Variants in SQOR observed in about 807,000 individuals in gnomAD.
The protein encoded by SQOR is sulfide quinone oxidoreductase, also known as sulfide:quinone oxidoreductase, mitochondrial.
In SQOR, 39 loss-of-function variants were observed where a neutral mutation model predicts 48.6. The observed-to-expected ratio is 0.80, with a 90% CI of 0.62 to 1.05. The LOEUF (loss-of-function observed/expected upper bound fraction) is 1.05. Among genes scored for constraint, SQOR ranks in the 50% least tolerant of loss-of-function variants. The pLI is 0.00. For synonymous variants in SQOR, 220 were observed against 206.2 expected, an observed-to-expected ratio of 1.07 and a Z score of -0.57; for missense variants, 561 against 559.9, an observed-to-expected ratio of 1.00 and a Z score of -0.02.
At chr15:45,684,639 C>T (rs1890189680) in intron 7 of SQOR, among the ~76,000 whole-genome samples, 1 of 151,978 alleles carries the variant, frequency 6.6e-6, no homozygotes, top group African/African-American at 2.4e-5. Flanking sequence ...AAAGTACTCT[C>T]TCTCTCTTTG....
In SQOR at chr15:45,677,231, A is replaced by G. The variant is rs760959343; in HGVS notation, c.864+921A>G. 9.0e-4 allele frequency among the ~76,000 whole-genome samples: 135 copies of G among 149,766 alleles called. 2 individuals carry two copies. The highest frequency in any genetic ancestry group is 9.9e-5 in the African/African-American group (4 of 40,560). On this transcript the variant is annotated intron_variant, in intron 6 of 9. Transcript: ENST00000260324. ...CTTTCTTTCTTTCTCTCTTTCTTCT[A>G]TCTGCCTTTGTCTATCTATCTATCC... is the stretch of plus-strand genomic sequence containing the variant.
intron 6 of SQOR, among the ~76,000 whole-genome samples, chr15:45,679,153 G>A (rs1462622693): frequency 6.6e-6 from 1 of 152,136 alleles, no homozygotes; most frequent in East Asian, 1.9e-4. Context: ...GAAGATATTT[G>A]TGTCCCCTTT....
At position 45,676,299 on chromosome 15, in the gene SQOR, C is replaced by A; in HGVS notation, c.853C>A (p.Gln285Lys). 1 of 1,613,886 alleles carries A rather than the reference C, an allele frequency of 6.2e-7. No homozygotes were observed. The highest frequency in any genetic ancestry group is 8.5e-7 in the Non-Finnish European group (1 of 1,179,894). Residue 285 changes from glutamine (Q) to lysine (K), a missense_variant, in exon 6 of 10, where the codon CAA becomes AAA. Physicochemically the swap from Gln to Lys is moderately conservative, Grantham distance 53. Transcript: ENST00000260324. ...GAACCTGGACAAACCAGGAGAGACCCAAGTGATTTCAGTGAGTGGTGAGGC... is the reference window on the plus strand; with the variant it reads ...GAACCTGGACAAACCAGGAGAGACCAAAGTGATTTCAGTGAGTGGTGAGGC... ...FENLDKPGET[Q>K]VISYEMLHVT...
Position 45,682,668 on chromosome 15 carries a change from C to A in SQOR, c.1048+7C>A. The A allele has an allele frequency of 1.2e-6, 2 of 1,612,458 alleles. No individual in the cohort carries two copies. Among genetic ancestry groups the A allele is most frequent in the Non-Finnish European group, 1.7e-6 (2 of 1,178,728 alleles). On this transcript the variant is annotated splice_region_variant and intron_variant, in intron 7 of 9. Coordinates refer to ENST00000260324, the MANE Select transcript of SQOR (RefSeq NM_021199.4). Reference sequence around the variant, plus strand: ...AAGACCGCTGCTGCAGTAGGTAAGTCAACCAGCTCCATTTCTCCCTTTCTC... The same window carrying A: ...AAGACCGCTGCTGCAGTAGGTAAGTAAACCAGCTCCATTTCTCCCTTTCTC...
At chr15:45,634,628 C>A (rs1894962964), upstream of SQOR, 1 of 152,308 alleles carries the variant, frequency 6.6e-6, no homozygotes, top group Non-Finnish European at 1.5e-5. Flanking sequence ...CGGTGAGAAG[C>A]CCAGGGCACA....
At chr15:45,682,682 T>G (rs1566923428) in intron 7 of SQOR, 21 bp downstream of exon 7, 1 of 1,609,690 alleles carries the variant, frequency 6.2e-7, no homozygotes, top group Admixed American at 1.7e-5. Flanking sequence ...CAGCTCCATT[T>G]CTCCCTTTCT....
At position 45,659,046 on chromosome 15, in the gene SQOR, G is replaced by A; in HGVS notation, c.123G>A (p.Arg41=). 1 of 1,599,820 alleles carries A rather than the reference G, an allele frequency of 6.3e-7. No individual in the cohort carries two copies. Among genetic ancestry groups the A allele is most frequent in the Non-Finnish European group, 8.5e-7 (1 of 1,173,726 alleles). The change falls in exon 2 of 10, where the codon AGG becomes AGA. Residue 41 remains arginine (R), a synonymous_variant. Transcript: ENST00000260324. ...QLHTGASHAA[R]NHYEVLVLGG... ...ACACCGGGGCCAGCCATGCGGCCAG[G>A]AACCATTATGAGGTGCTGGTGCTGG...
intron 1 of SQOR, among the ~76,000 whole-genome samples, chr15:45,637,986 A>G (rs1001328373): frequency 6.6e-6 from 1 of 152,244 alleles, no homozygotes; most frequent in Non-Finnish European, 1.5e-5. Context: ...GCTGGAAGCC[A>G]ACTAGTTGCT....
chr15:45,631,628 C>T (rs377659210), upstream of SQOR: 13 of 152,252 alleles, frequency 8.5e-5, no homozygotes, highest in African/African-American at 2.7e-4. Context: ...CCTCCTGAGC[C>T]TTCCCTTTCT....
At chr15:45,673,527 G>C in intron 4 of SQOR, 80 bp from the exon 5 acceptor site, 1 of 1,439,474 alleles carries the variant, frequency 6.9e-7, no homozygotes. Flanking sequence ...TATTTGAAAG[G>C]TTGTAGAAAT....
Position 45,673,508 on chromosome 15 carries a change from G to T in SQOR, c.460-99G>T, listed in dbSNP as rs1483827577. ...ATGTGGGTATTGGAGGGTAATGATAGTACTGAAATATTTGAAAGGTTGTAG... is the reference window on the plus strand; with the variant it reads ...ATGTGGGTATTGGAGGGTAATGATATTACTGAAATATTTGAAAGGTTGTAG... On this transcript the variant is annotated intron_variant, in intron 4 of 9. Transcript: ENST00000260324. 1.6e-5 allele frequency: 21 copies of T among 1,311,970 alleles called. No homozygotes were observed. In the South Asian group the frequency reaches 2.8e-4, roughly 17 times the overall value. The allele number at this position is 1,311,970 out of a possible 1,614,324, so 81.3% of individuals were successfully genotyped here.
At chr15:45,677,894 G>A (rs982331011) in intron 6 of SQOR, among the ~76,000 whole-genome samples, 2 of 152,028 alleles carry the variant, frequency 1.3e-5, no homozygotes, top group African/African-American at 2.4e-5. Flanking sequence ...TTTTAGTAGC[G>A]GCGAGGTTTC....
intron 7 of SQOR, among the ~76,000 whole-genome samples, chr15:45,685,311 A>G (rs1308639619): frequency 6.6e-6 from 1 of 152,112 alleles, no homozygotes; most frequent in African/African-American, 2.4e-5. Flanking sequence ...GCAATGCTAC[A>G]CTTTTTCCAC....
intron 7 of SQOR, among the ~76,000 whole-genome samples, chr15:45,685,152 C>G (rs559501522): frequency 1.3e-5 from 2 of 152,258 alleles, no homozygotes; most frequent in Non-Finnish European, 2.9e-5. Flanking sequence ...GCAAAAACCG[C>G]AGTTACTTGC....
chr15:45,672,471 A>G (rs1048271560), intron 4 of SQOR, among the ~76,000 whole-genome samples: 4 of 152,306 alleles, frequency 2.6e-5, no homozygotes, highest in Middle Eastern at 3.4e-3. Context: ...TGAGTGTGAT[A>G]AGTAATGAAC....
intron 6 of SQOR, among the ~76,000 whole-genome samples, chr15:45,681,126 C>T (rs1890120881): frequency 6.6e-6 from 1 of 152,130 alleles, no homozygotes; most frequent in Non-Finnish European, 1.5e-5. Context: ...TTGCTTGAGC[C>T]CAGGGGTTCG....
intron 1 of SQOR, among the ~76,000 whole-genome samples, chr15:45,648,032 A>G (rs1456961847): frequency 1.3e-5 from 2 of 152,216 alleles, no homozygotes; most frequent in African/African-American, 4.8e-5. Flanking sequence ...CAAGTTCTCT[A>G]TCTCTACTCA....
At chr15:45,688,302 C>T in intron 7 of SQOR, 35 bp from the exon 8 acceptor site, 1 of 1,483,794 alleles carries the variant, frequency 6.7e-7, no homozygotes, top group Non-Finnish European at 9.2e-7. Context: ...AACCTTGATG[C>T]TTACATTTTT....
chr15:45,669,723 C>G (rs953853111), intron 3 of SQOR, among the ~76,000 whole-genome samples: 1 of 152,160 alleles, frequency 6.6e-6, no homozygotes, highest in African/African-American at 2.4e-5. Flanking sequence ...CCACCTCCCC[C>G]AGCCCCAAGA....
Sources: allele counts gnomAD v4.1 joint callset (sites outside exome capture counted in the v4.1 genomes callset), GRCh38; gene constraint gnomAD v4.1.1; transcripts MANE v1.5; gene names NCBI Gene and HGNC (gene_info 2026-07-23, HGNC 2026-07-21).